The following MAF variants were observed in gnomAD, a reference collection of about 807,000 sequenced individuals.
The protein encoded by MAF is transcription factor Maf.
Under a neutral mutation model 22.0 loss-of-function variants are expected in MAF, and 10 were observed. That is an observed-to-expected ratio of 0.45 (90% CI 0.28 to 0.77). The LOEUF is 0.77. Ranked by LOEUF, MAF falls within the 30% of genes least tolerant of loss-of-function variation. The probability of loss-of-function intolerance (pLI) is 0.12; values close to 1 mark genes in which losing one functional copy is unlikely to be tolerated. For missense variants in MAF, 544 were observed against 548.4 expected, an observed-to-expected ratio of 0.99 and a Z score of 0.08; for synonymous variants, 337 against 255.8, an observed-to-expected ratio of 1.32 and a Z score of -3.03.
the MAF span, among the ~76,000 whole-genome samples, chr16:79,391,333 C>G: frequency 3.3e-5 from 5 of 152,052 alleles, no homozygotes; most frequent in African/African-American, 4.8e-5. Flanking sequence ...TTTTATTATA[C>G]TAGATTTTTG....
the MAF span, among the ~76,000 whole-genome samples, chr16:79,519,794 C>T: frequency 4.6e-4 from 70 of 152,360 alleles, no homozygotes; most frequent in Middle Eastern, 3.4e-3. Context: ...GTGTTCACAG[C>T]GCAGGTAGCC....
the MAF span, among the ~76,000 whole-genome samples, chr16:79,309,914 G>A: frequency 3.9e-5 from 6 of 152,256 alleles, no homozygotes; most frequent in South Asian, 2.1e-4. Context: ...TAACTCCAAG[G>A]ACTTAGAAAA....
At chr16:79,368,077 C>G in the MAF span, among the ~76,000 whole-genome samples, 1 of 152,168 alleles carries the variant, frequency 6.6e-6, no homozygotes, top group African/African-American at 2.4e-5. Context: ...AGAGGCTTCC[C>G]CGTCTGCATG....
the MAF span, among the ~76,000 whole-genome samples, chr16:79,420,857 C>T: frequency 1.3e-5 from 2 of 152,070 alleles, no homozygotes; most frequent in African/African-American, 2.4e-5. Context: ...TGGAGAAACC[C>T]CTGCCGTCTC....
the MAF span, among the ~76,000 whole-genome samples, chr16:79,351,580 G>T: frequency 2.0e-5 from 3 of 152,172 alleles, no homozygotes; most frequent in East Asian, 3.9e-4. Context: ...GAATCTCAGA[G>T]TCACAGAGCC....
At chr16:79,522,457 T>C in the MAF span, among the ~76,000 whole-genome samples, 7 of 152,124 alleles carry the variant, frequency 4.6e-5, no homozygotes, top group African/African-American at 1.2e-4. Context: ...TGTGCACAAG[T>C]TGAAGGAATA....
At chr16:79,216,181 GTA>G in the MAF span, among the ~76,000 whole-genome samples, 13 of 145,816 alleles carry the variant, frequency 8.9e-5, no homozygotes, top group African/African-American at 2.3e-4. Flanking sequence ...ACGTGTATAT[GTA>G]TATATGTCGT....
the MAF span, among the ~76,000 whole-genome samples, chr16:79,350,452 T>C: frequency 2.0e-5 from 3 of 152,226 alleles, no homozygotes; most frequent in East Asian, 5.8e-4. Context: ...TCCTGGCTGA[T>C]TGTCCACCAA....
At chr16:79,563,545 A>T in the MAF span, among the ~76,000 whole-genome samples, 1 of 151,984 alleles carries the variant, frequency 6.6e-6, no homozygotes, top group Non-Finnish European at 1.5e-5. Flanking sequence ...TCAGTAATAC[A>T]TTTTTTATAA....
chr16:79,235,962 T>C, the MAF span, among the ~76,000 whole-genome samples: 125,545 of 151,770 alleles, frequency 0.83, 53,353 homozygotes, highest in African/African-American at 0.92. Flanking sequence ...ATTTCTCTCC[T>C]AAAATTGTTC....
At chr16:79,528,600 A>G in the MAF span, among the ~76,000 whole-genome samples, 1 of 151,842 alleles carries the variant, frequency 6.6e-6, no homozygotes, top group Non-Finnish European at 1.5e-5. Flanking sequence ...CAAATAACCC[A>G]TTCTCTTAAT....
chr16:79,330,613 G>T, the MAF span, among the ~76,000 whole-genome samples: 1,484 of 152,296 alleles, frequency 9.7e-3, 23 homozygotes, highest in Non-Finnish European at 0.011. Flanking sequence ...TCAAGGCAGA[G>T]CAACCTGTAT....
chr16:79,467,458 A>G, the MAF span, among the ~76,000 whole-genome samples: 1 of 152,186 alleles, frequency 6.6e-6, no homozygotes, highest in African/African-American at 2.4e-5. Context: ...CCCTTATTGC[A>G]GGCAGTGATC....
At chr16:79,555,327 A>C in the MAF span, among the ~76,000 whole-genome samples, 46 of 152,296 alleles carry the variant, frequency 3.0e-4, no homozygotes, top group African/African-American at 1.1e-3. Context: ...CCAATACTCT[A>C]GACTTTACAG....
the MAF span, among the ~76,000 whole-genome samples, chr16:79,402,129 C>T: frequency 2.8e-4 from 43 of 152,156 alleles, no homozygotes; most frequent in African/African-American, 9.4e-4. Flanking sequence ...CTTAAGCTAG[C>T]AGAATTGCTG....
chr16:79,493,184 T>G, the MAF span, among the ~76,000 whole-genome samples: 220 of 152,184 alleles, frequency 1.4e-3, 3 homozygotes, highest in East Asian at 0.023. Flanking sequence ...TGTTTGTTTT[T>G]TTGTTTTTGT....
downstream of MAF, among the ~76,000 whole-genome samples, chr16:79,581,415 C>A (rs1368707157): frequency 1.3e-5 from 2 of 152,148 alleles, no homozygotes; most frequent in African/African-American, 2.4e-5. Context: ...GGGAGTCAAC[C>A]CTGGCGTTAG....
chr16:79,211,198 G>A, the MAF span, among the ~76,000 whole-genome samples: 2 of 152,188 alleles, frequency 1.3e-5, no homozygotes, highest in African/African-American at 4.8e-5. Context: ...TTGTCAGACA[G>A]AAGGTTCTAC....
the MAF span, among the ~76,000 whole-genome samples, chr16:79,242,225 A>G: frequency 1.3e-5 from 2 of 151,976 alleles, no homozygotes; most frequent in South Asian, 2.1e-4. Context: ...AAATGCCCCA[A>G]TTAAAAGACA....
Sources: gnomAD v4.1 joint callset for allele counts (sites outside exome capture counted in the v4.1 genomes callset) on GRCh38, gnomAD v4.1.1 for gene constraint, MANE v1.5 for transcripts, NCBI Gene and HGNC (gene_info 2026-07-23, HGNC 2026-07-21) for gene names.